PTPRT: variants seen among roughly 807,000 people sequenced by gnomAD.
PTPRT encodes receptor-type tyrosine-protein phosphatase T.
A neutral mutation model predicts 176.8 loss-of-function variants in PTPRT; 56 were observed. The ratio of observed to expected loss-of-function variants is 0.32; its 90% CI spans 0.26 to 0.40. The LOEUF is 0.40. PTPRT is among the 10% of genes least tolerant of loss of function. The pLI is 1.00. For synonymous variants in PTPRT, 783 were observed against 739.0 expected (o/e 1.06, Z -0.96); for missense variants, 1,540 against 1,908.2 (o/e 0.81, Z 3.60).
At chr20:42,230,989 G>A (rs960260945) in intron 15 of PTPRT, among the ~76,000 whole-genome samples, 5 of 152,114 alleles carry the variant, frequency 3.3e-5, no homozygotes, top group African/African-American at 9.7e-5. Context: ...CTCTGATGCA[G>A]CAGCTCAGTG....
At chr20:42,973,449 G>C (rs78841321) in intron 1 of PTPRT, among the ~76,000 whole-genome samples, 2,445 of 151,104 alleles carry the variant, frequency 0.016, 72 homozygotes, top group African/African-American at 0.055. Context: ...CTCTCTCTCT[G>C]TGTGTGTTTG....
chr20:43,041,158 C>T (rs994327062), intron 1 of PTPRT, among the ~76,000 whole-genome samples: 3 of 152,164 alleles, frequency 2.0e-5, no homozygotes, highest in Admixed American at 1.3e-4. Context: ...AACTAAGACT[C>T]GGAGAGCTTA....
chr20:43,043,802 G>C lies in PTPRT; in HGVS notation c.88+145844C>G, dbSNP rs189716977. Among the ~76,000 whole-genome samples, 155 of 152,264 alleles carry C rather than the reference G, an allele frequency of 1.0e-3. 1 individual carries two copies. The highest frequency in any genetic ancestry group is 6.5e-3 in the Admixed American group (100 of 15,300). On this transcript the variant is annotated intron_variant, in intron 1 of 30. Transcript: ENST00000373187. ...GAGGCAAGAATATGACCTTTTGAGG[G>C]TCACCCAGTGAGTCATCAGCCTGAA...
In PTPRT at chr20:42,945,015, C is replaced by T. The variant is rs553490239; in HGVS notation, c.89-59083G>A. Among the ~76,000 whole-genome samples the T allele has an allele frequency of 1.3e-4, 19 of 150,198 alleles. No individual in the cohort carries two copies. The South Asian group carries it at 4.0e-3, about 32-fold the overall frequency. On this transcript the variant is annotated intron_variant, in intron 1 of 30. Transcript: ENST00000373187. ...GAATATTCACCAGTGTCATTTGTGG[C>T]CAGACATTATAAAATGTTGTGTGTG...
At position 42,386,808 on chromosome 20, in the gene PTPRT, C is replaced by T. The variant is rs6030191; in HGVS notation, c.1561-34523G>A. Among the ~76,000 whole-genome samples the T allele has an allele frequency of 7.5e-3, 1,143 of 152,076 alleles. 17 individuals carry two copies. Among genetic ancestry groups the T allele is most frequent in the African/African-American group, 0.026 (1,060 of 41,458 alleles). On this transcript the variant is annotated intron_variant, in intron 9 of 30. Coordinates refer to ENST00000373187, the MANE Select transcript of PTPRT (RefSeq NM_007050.6). ...CCAGGAGGCGGAAGTTGCAGTGAGC[C>T]GAGATTGTGCCACTGCATTCCAGCC...
intron 7 of PTPRT, among the ~76,000 whole-genome samples, chr20:42,483,950 G>C (rs2071427570): frequency 6.6e-6 from 1 of 152,220 alleles, no homozygotes; most frequent in Non-Finnish European, 1.5e-5. Context: ...AGGTATCCAA[G>C]TAGCCAGTTC....
chr20:42,196,911 A>C (rs1991238419), intron 16 of PTPRT, among the ~76,000 whole-genome samples: 1 of 152,214 alleles, frequency 6.6e-6, no homozygotes, highest in African/African-American at 2.4e-5. Context: ...ACTTACCATC[A>C]CTGGTAATGT....
At chr20:42,757,052 TAAAAAAAAA>T (rs554308907) in intron 5 of PTPRT, among the ~76,000 whole-genome samples, 27,329 of 118,638 alleles carry the variant, frequency 0.23, 3,063 homozygotes, top group African/African-American at 0.34. Context: ...CCTGCCTCTT[TAAAAAAAAA>T]AAAAAAAAAA....
chr20:43,024,581 C>T (rs546699864), intron 1 of PTPRT, among the ~76,000 whole-genome samples: 203 of 143,704 alleles, frequency 1.4e-3, no homozygotes, highest in African/African-American at 5.1e-3. Flanking sequence ...CACAGCAAGA[C>T]TCCATCTCAA....
chr20:42,878,883 G>T (rs916885522), intron 2 of PTPRT, among the ~76,000 whole-genome samples: 11 of 152,116 alleles, frequency 7.2e-5, no homozygotes, highest in African/African-American at 2.4e-4. Context: ...AGAAAAATTA[G>T]CTGGGCCTGG....
At chr20:43,068,373 C>T (rs1045741046) in intron 1 of PTPRT, among the ~76,000 whole-genome samples, 1 of 150,998 alleles carries the variant, frequency 6.6e-6, no homozygotes, top group Non-Finnish European at 1.5e-5. Context: ...GGCATGGTGG[C>T]GGGGAACCTG....
chr20:42,106,412 A>T (rs781748827), intron 24 of PTPRT, among the ~76,000 whole-genome samples: 2 of 152,200 alleles, frequency 1.3e-5, no homozygotes, highest in Non-Finnish European at 2.9e-5. Flanking sequence ...ATCGCTTGGC[A>T]CGTAGTGGTC....
At chr20:43,087,471 C>T (rs1359732995) in intron 1 of PTPRT, among the ~76,000 whole-genome samples, 4 of 151,346 alleles carry the variant, frequency 2.6e-5, no homozygotes, top group African/African-American at 7.3e-5. Context: ...TCAAGTGATC[C>T]TCCCACATCA....
intron 30 of PTPRT, among the ~76,000 whole-genome samples, chr20:42,081,171 T>C (rs1009837193): frequency 6.6e-6 from 1 of 152,210 alleles, no homozygotes; most frequent in African/African-American, 2.4e-5. Context: ...TCTTTTTTAC[T>C]GTTTTGTACA....
chr20:42,942,148 C>A (rs1463798913), intron 1 of PTPRT, among the ~76,000 whole-genome samples: 1 of 152,172 alleles, frequency 6.6e-6, no homozygotes, highest in Admixed American at 6.5e-5. Context: ...GTGAAGTCCA[C>A]TGATAGAAAC....
chr20:43,088,906 T>G (rs2011714103), intron 1 of PTPRT, among the ~76,000 whole-genome samples: 1 of 152,166 alleles, frequency 6.6e-6, no homozygotes, highest in African/African-American at 2.4e-5. Context: ...TTCTAGATCC[T>G]GACTCCTATG....
chr20:42,696,236 T>A (rs2075873825), intron 6 of PTPRT, among the ~76,000 whole-genome samples: 1 of 151,092 alleles, frequency 6.6e-6, no homozygotes, highest in Non-Finnish European at 1.5e-5. Context: ...GATCTCTTTT[T>A]TCCTCTATTT....
chr20:42,909,493 G>A (rs909816056), intron 1 of PTPRT, among the ~76,000 whole-genome samples: 1 of 152,074 alleles, frequency 6.6e-6, no homozygotes, highest in Non-Finnish European at 1.5e-5. Flanking sequence ...GCCCTTCCTC[G>A]GGCCTTGGAA....
intron 7 of PTPRT, among the ~76,000 whole-genome samples, chr20:42,595,432 C>T (rs928444679): frequency 1.3e-5 from 2 of 152,124 alleles, no homozygotes; most frequent in Middle Eastern, 3.4e-3. Context: ...GGTCCAGATA[C>T]GGTCAAATGT....
Sources: gnomAD v4.1 joint callset for allele counts (sites outside exome capture counted in the v4.1 genomes callset) on GRCh38, gnomAD v4.1.1 for gene constraint, MANE v1.5 for transcripts, NCBI Gene and HGNC (gene_info 2026-07-23, HGNC 2026-07-21) for gene names.